COX8A: variants seen among roughly 807,000 people sequenced by gnomAD.
COX8A encodes cytochrome c oxidase subunit 8A, mitochondrial.
A neutral mutation model predicts 4.4 loss-of-function variants in COX8A; 6 were observed. That is an observed-to-expected ratio of 1.36 (90% CI 0.74 to 2.68). The LOEUF (loss-of-function observed/expected upper bound fraction) is 2.68. Among genes scored for constraint, COX8A ranks in the 30% most tolerant of loss-of-function variants. The pLI is 0.00. For missense variants in COX8A, 72 were observed against 89.6 expected (o/e 0.80, Z 0.79); for synonymous variants, 53 against 47.1 (o/e 1.12, Z -0.51).
At chr11:63,975,238 G>A (rs1196843622) in intron 1 of COX8A, among the ~76,000 whole-genome samples, 1 of 152,168 alleles carries the variant, frequency 6.6e-6, no homozygotes, top group Non-Finnish European at 1.5e-5. Flanking sequence ...GAGTGCAGTG[G>A]CGCGATCTCG....
intron 1 of COX8A, among the ~76,000 whole-genome samples, chr11:63,975,845 G>T (rs1040628874): frequency 6.6e-5 from 10 of 152,192 alleles, no homozygotes; most frequent in African/African-American, 2.4e-4. Flanking sequence ...CTCCCAAATT[G>T]CTGGGATTAC....
chr11:63,975,997 C>G (rs528060257), intron 1 of COX8A, among the ~76,000 whole-genome samples: 1 of 152,304 alleles, frequency 6.6e-6, no homozygotes, highest in Non-Finnish European at 1.5e-5. Context: ...TCTCACTCTT[C>G]CCCCTCCTTA....
chr11:63,974,678 A>T lies in COX8A; in HGVS notation c.-3A>T. 6.2e-7 allele frequency: 1 copy of T among 1,604,046 alleles called. No individual in the cohort carries two copies. On this transcript the variant is annotated 5_prime_UTR_variant, in exon 1 of 2. Transcript: ENST00000314133. ...CGTTTTTTGTGGTGTACTCCGTGCC[A>T]TCATGTCCGTCCTGACGCCGCTGCT...
intron 1 of COX8A, among the ~76,000 whole-genome samples, chr11:63,975,940 G>C (rs1196194573): frequency 6.6e-6 from 1 of 152,108 alleles, no homozygotes; most frequent in Non-Finnish European, 1.5e-5. Flanking sequence ...TTTACCATCT[G>C]GTGGTGCATT....
intron 1 of COX8A, among the ~76,000 whole-genome samples, 172 bp from the exon 2 acceptor site, chr11:63,976,053 C>G (rs7927429): frequency 7.9e-4 from 120 of 152,312 alleles, no homozygotes; most frequent in African/African-American, 2.7e-3. Flanking sequence ...TGGACCTGCT[C>G]TGTCTGCTCC....
chr11:63,976,429 C>T lies in COX8A; in HGVS notation c.*109C>T. 1.0e-6 allele frequency: 1 copy of T among 975,466 alleles called. No individual in the cohort carries two copies. Among genetic ancestry groups the T allele is most frequent in the South Asian group, 1.4e-5 (1 of 73,236 alleles). 60.4% of individuals were successfully genotyped at this position (975,466 alleles called of 1,614,324 possible). ...TCCCCTGGATCATGTCATTCAATTC[C>T]AGTCACCTCTTCTGCAATCATGACC... On this transcript the variant is annotated 3_prime_UTR_variant, in exon 2 of 2. Transcript: ENST00000314133.
In COX8A at chr11:63,976,306, A is replaced by G. The variant is rs781241928; in HGVS notation, c.196A>G (p.Arg66Gly). ...GATCCTGTCACACCTGGAGACCTAC[A>G]GGAGGCCAGAGTGAAGGGGTCCGTT... ...GWILSHLETY[R>G]RPE is the part of the protein sequence containing the mutation. Residue 66 changes from arginine to glycine, a missense_variant, in exon 2 of 2, where the codon AGG (arginine) becomes GGG (glycine). Arg to Gly is a moderately radical substitution (Grantham distance 125, BLOSUM62 -2). Transcript: ENST00000314133. The G allele has an allele frequency of 2.5e-6, 4 of 1,613,998 alleles. No homozygotes were observed. Among genetic ancestry groups the G allele is most frequent in the Non-Finnish European group, 2.5e-6 (3 of 1,179,996 alleles).
intron 1 of COX8A, 44 bp from the exon 2 acceptor site, chr11:63,976,181 G>T: frequency 6.4e-7 from 1 of 1,563,258 alleles, no homozygotes; most frequent in South Asian, 1.1e-5. Flanking sequence ...AGAGCCTAGG[G>T]GAATACTGAC....
At position 63,976,481 on chromosome 11, in the gene COX8A, T is replaced by TGG. The variant is rs1257203525; in HGVS notation, c.*165_*166dup. The TGG allele has an allele frequency of 1.8e-4, 117 of 639,792 alleles. No homozygotes were observed. In the East Asian group the frequency reaches 3.1e-3, roughly 17 times the overall value. The allele number at this position is 639,792 out of a possible 1,614,324, so 39.6% of individuals were successfully genotyped here. On this transcript the variant is annotated 3_prime_UTR_variant, in exon 2 of 2. Coordinates refer to ENST00000314133, the MANE Select transcript of COX8A (RefSeq NM_004074.3). ...CTTGATGTCTCCATGGTGACCTCCT[T>TGG]GGGGGTCACTGACCCTGCTTGGTGG...
rs1372457246 is a variant in COX8A at position 63,976,305 on chromosome 11, C to T, written c.195C>T (p.Tyr65=). 6.2e-7 allele frequency: 1 copy of T among 1,614,174 alleles called. No individual in the cohort carries two copies. The change falls in exon 2 of 2, where the codon TAC becomes TAT. Residue 65 remains tyrosine, a synonymous_variant. Transcript: ENST00000314133. ...AGWILSHLET[Y]RRPE Reference sequence around the variant, plus strand: ...GGATCCTGTCACACCTGGAGACCTACAGGAGGCCAGAGTGAAGGGGTCCGT... The same window carrying T: ...GGATCCTGTCACACCTGGAGACCTATAGGAGGCCAGAGTGAAGGGGTCCGT...
Position 63,976,317 on chromosome 11 carries a change from G to A in COX8A, c.207G>A (p.Glu69=), listed in dbSNP as rs139543877. 17 of 1,613,962 alleles carry A rather than the reference G, an allele frequency of 1.1e-5. No individual in the cohort carries two copies. The highest frequency in any genetic ancestry group is 1.3e-5 in the African/African-American group (1 of 74,928). The part of the protein sequence containing the change: ...LSHLETYRRP[E] ...ACCTGGAGACCTACAGGAGGCCAGAGTGAAGGGGTCCGTTCTGTCCCTCAC... is the reference window on the plus strand; with the variant it reads ...ACCTGGAGACCTACAGGAGGCCAGAATGAAGGGGTCCGTTCTGTCCCTCAC... The change falls in exon 2 of 2, where the codon GAG becomes GAA. Residue 69 remains glutamate, a synonymous_variant. Transcript: ENST00000314133.
intron 1 of COX8A, 86 bp downstream of exon 1, chr11:63,974,880 T>C (rs1023698461): frequency 3.3e-6 from 4 of 1,218,830 alleles, no homozygotes; most frequent in Admixed American, 5.8e-5. Context: ...TGAGAATGCC[T>C]CGCGCCCCGC....
chr11:63,974,709 G>C lies in COX8A; in HGVS notation c.29G>C (p.Arg10Pro), dbSNP rs973216580. The C allele has an allele frequency of 7.5e-6, 12 of 1,610,340 alleles. No homozygotes were observed. Among genetic ancestry groups the C allele is most frequent in the Non-Finnish European group, 1.0e-5 (12 of 1,178,426 alleles). Residue 10 changes from arginine to proline, a missense_variant, in exon 1 of 2, where the codon CGG becomes CCG. Physicochemically the swap from Arg to Pro is moderately radical, Grantham distance 103. Transcript: ENST00000314133. ...TCCGTCCTGACGCCGCTGCTGCTGC[G>C]GGGCTTGACAGGCTCGGCCCGGCGG... MSVLTPLLL[R>P]GLTGSARRLP...
In COX8A at chr11:63,974,696, C is replaced by A; in HGVS notation, c.16C>A (p.Pro6Thr). The A allele has an allele frequency of 6.2e-7, 1 of 1,608,742 alleles. No individual in the cohort carries two copies. Among genetic ancestry groups the A allele is most frequent in the South Asian group, 1.1e-5 (1 of 90,034 alleles). The change falls in exon 1 of 2, where the codon CCG becomes ACG. Residue 6 changes from proline (P) to threonine (T), a missense_variant. Pro to Thr is a conservative substitution (Grantham distance 38, BLOSUM62 -1). Transcript: ENST00000314133. ...CCGTGCCATCATGTCCGTCCTGACG[C>A]CGCTGCTGCTGCGGGGCTTGACAGG... The part of the protein sequence containing the change: MSVLT[P>T]LLLRGLTGSA...
At chr11:63,975,878 C>T (rs1359090535) in intron 1 of COX8A, among the ~76,000 whole-genome samples, 1 of 152,190 alleles carries the variant, frequency 6.6e-6, no homozygotes, top group Non-Finnish European at 1.5e-5. Flanking sequence ...CCATGCCCGG[C>T]CCAGACCAGC....
intron 1 of COX8A, 107 bp from the exon 2 acceptor site, chr11:63,976,118 G>A (rs2134296964): frequency 1.9e-6 from 2 of 1,055,612 alleles, no homozygotes; most frequent in Non-Finnish European, 2.9e-6. Flanking sequence ...TTGCCTCTGA[G>A]TCCTGGCTCC....
At chr11:63,975,197 T>G (rs1476339108) in intron 1 of COX8A, among the ~76,000 whole-genome samples, 1 of 152,222 alleles carries the variant, frequency 6.6e-6, no homozygotes, top group African/African-American at 2.4e-5. Flanking sequence ...TTATTTATTT[T>G]GAGACGGGTT....
chr11:63,974,641 G>T lies in COX8A; in HGVS notation c.-40G>T. The T allele has an allele frequency of 6.4e-7, 1 of 1,561,324 alleles. No homozygotes were observed. Reference sequence around the variant, plus strand: ...AGCCATTTTGGCTTCCTGACCTTGGGCTACGGCTGACCGTTTTTTGTGGTG... The same window carrying T: ...AGCCATTTTGGCTTCCTGACCTTGGTCTACGGCTGACCGTTTTTTGTGGTG... On this transcript the variant is annotated 5_prime_UTR_variant, in exon 1 of 2. Transcript: ENST00000314133.
At chr11:63,975,054 C>G (rs1377714777) in intron 1 of COX8A, among the ~76,000 whole-genome samples, 1 of 152,184 alleles carries the variant, frequency 6.6e-6, no homozygotes, top group Non-Finnish European at 1.5e-5. Context: ...GTCGCCTCCT[C>G]GCTGCGCCGC....
Sources: gnomAD v4.1 joint callset for allele counts (sites outside exome capture counted in the v4.1 genomes callset) on GRCh38, gnomAD v4.1.1 for gene constraint, MANE v1.5 for transcripts, NCBI Gene and HGNC (gene_info 2026-07-23, HGNC 2026-07-21) for gene names.